The following SNX25 variants were observed in gnomAD, a reference collection of about 807,000 sequenced individuals.
The protein encoded by SNX25 is sorting nexin 25.
A neutral mutation model predicts 113.7 loss-of-function variants in SNX25; 62 were observed. The ratio of observed to expected loss-of-function variants is 0.55; its 90% CI spans 0.44 to 0.67. The LOEUF is 0.67. SNX25 is among the 30% of genes least tolerant of loss of function. The pLI is 0.00. For missense variants in SNX25, 1,014 were observed against 1,161.0 expected, an observed-to-expected ratio of 0.87 and a Z score of 1.84; for synonymous variants, 421 against 436.2, an observed-to-expected ratio of 0.97 and a Z score of 0.43.
At chr4:185,211,912 G>T (rs144165086) in intron 1 of SNX25, among the ~76,000 whole-genome samples, 4 of 152,226 alleles carry the variant, frequency 2.6e-5, no homozygotes, top group African/African-American at 9.6e-5. Flanking sequence ...CAGCTCACTG[G>T]CACCTCTGGG....
At chr4:185,276,284 C>G (rs1749665939) in intron 5 of SNX25, among the ~76,000 whole-genome samples, 2 of 152,132 alleles carry the variant, frequency 1.3e-5, no homozygotes, top group Admixed American at 1.3e-4. Context: ...CTATTAGCCA[C>G]CACTGTAGTT....
intron 2 of SNX25, among the ~76,000 whole-genome samples, chr4:185,250,965 A>G (rs2126496908): frequency 6.6e-6 from 1 of 152,192 alleles, no homozygotes; most frequent in East Asian, 1.9e-4. Flanking sequence ...CATTATAACC[A>G]TTTTAAGTAT....
chr4:185,356,300 C>T (rs1207943863), intron 15 of SNX25, among the ~76,000 whole-genome samples: 1 of 151,990 alleles, frequency 6.6e-6, no homozygotes, highest in African/African-American at 2.4e-5. Context: ...TACCCCTGGC[C>T]CCCTTTTTAA....
intron 6 of SNX25, among the ~76,000 whole-genome samples, chr4:185,298,878 T>C (rs1185142338): frequency 6.6e-6 from 1 of 152,170 alleles, no homozygotes; most frequent in Non-Finnish European, 1.5e-5. Context: ...TGCTGTTAGA[T>C]CCGTCATGGC....
At chr4:185,362,820 C>A in intron 18 of SNX25, 109 bp downstream of exon 18, 21 of 595,508 alleles carry the variant, frequency 3.5e-5, no homozygotes, top group Non-Finnish European at 5.6e-5. Context: ...TTCTCACATA[C>A]TAGTCATCTC....
chr4:185,320,716 T>C lies in SNX25; in HGVS notation c.1345-17T>C, dbSNP rs776383616. 1 of 1,432,958 alleles carries C rather than the reference T, an allele frequency of 7.0e-7. No homozygotes were observed. The highest frequency in any genetic ancestry group is 9.2e-7 in the Non-Finnish European group (1 of 1,084,936). 88.8% of individuals were successfully genotyped at this position (1,432,958 alleles called of 1,614,324 possible). A position where few individuals can be genotyped will look rare whatever the true frequency, so the allele number is the denominator to read the frequency against. On this transcript the variant is annotated splice_polypyrimidine_tract_variant and intron_variant, in intron 7 of 18. Coordinates refer to ENST00000652585, the MANE Select transcript of SNX25 (RefSeq NM_001378034.2). ...AAATTCGATTTTAAAAAAAGTTTTC[T>C]TAAATTCTCTTAATAGATTCTTCAG...
At chr4:185,223,811 A>G (rs561376920) in intron 1 of SNX25, among the ~76,000 whole-genome samples, 9 of 152,016 alleles carry the variant, frequency 5.9e-5, no homozygotes, top group Non-Finnish European at 1.0e-4. Context: ...GTTGACACTC[A>G]ATACCTAGAT....
intron 11 of SNX25, among the ~76,000 whole-genome samples, chr4:185,340,866 G>A (rs2095256360): frequency 6.6e-6 from 1 of 152,184 alleles, no homozygotes; most frequent in African/African-American, 2.4e-5. Flanking sequence ...CTGACGTCTA[G>A]AGCTCACGAA....
At chr4:185,208,511 C>T (rs1204135882), upstream of SNX25, among the ~76,000 whole-genome samples, 1 of 151,688 alleles carries the variant, frequency 6.6e-6, no homozygotes, top group Non-Finnish European at 1.5e-5. Context: ...AGGCGGATCA[C>T]GAGGTCAGGA....
chr4:185,367,170 A>G (rs752269700), downstream of SNX25: 1 of 1,608,354 alleles, frequency 6.2e-7, no homozygotes, highest in East Asian at 2.2e-5. Context: ...TTGTTGAAAT[A>G]CATTGTGGTC....
At chr4:185,269,839 A>T (rs1748662871) in intron 5 of SNX25, among the ~76,000 whole-genome samples, 1 of 152,186 alleles carries the variant, frequency 6.6e-6, no homozygotes, top group Non-Finnish European at 1.5e-5. Flanking sequence ...CCTTCCAAGT[A>T]GCTGGGACTA....
intron 9 of SNX25, among the ~76,000 whole-genome samples, chr4:185,331,309 C>T (rs1442030626): frequency 1.3e-5 from 2 of 152,132 alleles, no homozygotes; most frequent in African/African-American, 2.4e-5. Context: ...TTCTCAATGC[C>T]ATTGTTATTC....
chr4:185,278,421 C>T (rs1750067577), intron 5 of SNX25, among the ~76,000 whole-genome samples: 1 of 152,178 alleles, frequency 6.6e-6, no homozygotes, highest in Admixed American at 6.5e-5. Context: ...AACTTCGAGC[C>T]TCAGTTTTAA....
At chr4:185,352,375 A>T (rs1335940253) in intron 14 of SNX25, among the ~76,000 whole-genome samples, 1 of 152,142 alleles carries the variant, frequency 6.6e-6, no homozygotes, top group Non-Finnish European at 1.5e-5. Context: ...GATGGTGAAA[A>T]GCAGCATGCT....
At chr4:185,272,021 T>G (rs1344231999) in intron 5 of SNX25, among the ~76,000 whole-genome samples, 2 of 152,226 alleles carry the variant, frequency 1.3e-5, no homozygotes, top group Non-Finnish European at 2.9e-5. Flanking sequence ...CCACTAGCTT[T>G]TGTAGCTTTT....
At position 185,323,680 on chromosome 4, in the gene SNX25, T is replaced by C. The variant is rs1265588528; in HGVS notation, c.1629T>C (p.Val543=). The change falls in exon 9 of 19, where the codon GTT becomes GTC. Residue 543 remains valine (V), a synonymous_variant. Coordinates refer to ENST00000652585, the MANE Select transcript of SNX25 (RefSeq NM_001378034.2). ...IEVFYKIQED[V]YETLKDRYYP... The stretch of plus-strand genomic sequence containing the variant: ...TATTCTACAAAATCCAGGAAGATGT[T>C]TATGAGACCCTAAAGGATAGGTATT... The C allele has an allele frequency of 6.2e-7, 1 of 1,613,784 alleles. No homozygotes were observed. The highest frequency in any genetic ancestry group is 8.5e-7 in the Non-Finnish European group (1 of 1,179,830).
At chr4:185,240,844 G>A (rs1743799566) in intron 1 of SNX25, among the ~76,000 whole-genome samples, 1 of 151,148 alleles carries the variant, frequency 6.6e-6, no homozygotes, top group East Asian at 2.0e-4. Flanking sequence ...TCTCAGACGG[G>A]GCGGCCGGGC....
In SNX25 at chr4:185,325,342, GC is replaced by G. The variant is rs370698126; in HGVS notation, c.1749+1544del. Reference sequence around the variant, plus strand: ...AGGTCAGGAGTTTGAGACCAGCCTGGCCAACACAGTGAAACCCCGTCTCTAC... The same window carrying G: ...AGGTCAGGAGTTTGAGACCAGCCTGGCAACACAGTGAAACCCCGTCTCTAC... On this transcript the variant is annotated intron_variant, in intron 9 of 18. Transcript: ENST00000652585. 5.5e-4 allele frequency among the ~76,000 whole-genome samples: 83 copies of G among 152,142 alleles called. No homozygotes were observed. The East Asian group carries it at 0.01, about 19-fold the overall frequency.
chr4:185,332,589 C>T lies in SNX25; in HGVS notation c.1750-6C>T, dbSNP rs2095203585. On this transcript the variant is annotated splice_region_variant and splice_polypyrimidine_tract_variant and intron_variant, in intron 9 of 18. Coordinates refer to ENST00000652585, the MANE Select transcript of SNX25 (RefSeq NM_001378034.2). The stretch of plus-strand genomic sequence containing the variant: ...AAGATATGGTGGTATGTGACTCTCC[C>T]CCTAGGGCCCAAGAGATGAGGCTGG... 2 of 1,607,438 alleles carry T rather than the reference C, an allele frequency of 1.2e-6. No homozygotes were observed. The highest frequency in any genetic ancestry group is 2.7e-5 in the African/African-American group (2 of 74,620).
Sources: gnomAD v4.1 joint callset for allele counts (sites outside exome capture counted in the v4.1 genomes callset) on GRCh38, gnomAD v4.1.1 for gene constraint, MANE v1.5 for transcripts, NCBI Gene and HGNC (gene_info 2026-07-23, HGNC 2026-07-21) for gene names.